GAS2: variants seen among roughly 807,000 people sequenced by gnomAD.
The protein encoded by GAS2 is growth arrest specific 2.
GAS2 carries 20 observed loss-of-function variants against 37.5 expected under a neutral mutation model. That is an observed-to-expected ratio of 0.53 (90% CI 0.37 to 0.77). The LOEUF is 0.77. Ranked by LOEUF, GAS2 falls within the 30% of genes least tolerant of loss-of-function variation. The pLI is 0.00. For missense variants in GAS2, 336 were observed against 373.4 expected (o/e 0.90, Z 0.82); for synonymous variants, 144 against 132.2 (o/e 1.09, Z -0.61).
rs1857240481 is a variant in GAS2, at chr11:22,812,648, C to T, written c.*632C>T. The T allele has an allele frequency of 6.6e-6, 1 of 152,522 alleles. No individual in the cohort carries two copies. The highest frequency in any genetic ancestry group is 1.5e-5 in the Non-Finnish European group (1 of 68,170). The allele number at this position is 152,522 out of a possible 1,614,324, so 9.4% of individuals were successfully genotyped here. A position where few individuals can be genotyped will look rare whatever the true frequency, so the allele number is the denominator to read the frequency against. ...ACTTTTAGAAGTTTTCAGTACACCC[C>T]CTTAGAGAATAGCTTATGAGTTATT... is the stretch of plus-strand genomic sequence containing the variant. On this transcript the variant is annotated 3_prime_UTR_variant, in exon 8 of 8. Transcript: ENST00000454584.
At position 22,626,004 on chromosome 11, in the gene GAS2, A is replaced by G. The variant is rs3740614; in HGVS notation, c.-21+191A>G. Reference sequence around the variant, plus strand: ...GCCCTAATACTTTTACTTTCGCCACACAAAGAGGTTCTTCTTAGTGGAGGG... The same window carrying G: ...GCCCTAATACTTTTACTTTCGCCACGCAAAGAGGTTCTTCTTAGTGGAGGG... On this transcript the variant is annotated intron_variant, in intron 1 of 5. Coordinates refer to the GAS2 transcript ENST00000528582. The G allele has an allele frequency of 0.057, 39,198 of 685,496 alleles. 2,440 individuals carry two copies. Among genetic ancestry groups the G allele is most frequent in the East Asian group, 0.27 (9,835 of 36,228 alleles). 42.5% of individuals were successfully genotyped at this position (685,496 alleles called of 1,614,324 possible).
chr11:22,810,530 CTAAA>C lies in GAS2; in HGVS notation c.724-1266_724-1263del, dbSNP rs1226346843. ...CTTTCTGTTCTAAATTTCTCATACTCTAAATGAGAATAACCAGTAGAAATACATT... is the reference window on the plus strand; with the variant it reads ...CTTTCTGTTCTAAATTTCTCATACTCTGAGAATAACCAGTAGAAATACATT... On this transcript the variant is annotated intron_variant, in intron 7 of 7. Transcript: ENST00000454584. 3.3e-5 allele frequency among the ~76,000 whole-genome samples: 5 copies of C among 152,300 alleles called. No homozygotes were observed. The East Asian group carries it at 9.6e-4, about 29-fold the overall frequency.
chr11:22,751,725 G>T (rs1255363729), intron 6 of GAS2, among the ~76,000 whole-genome samples: 2 of 151,892 alleles, frequency 1.3e-5, no homozygotes, highest in Non-Finnish European at 2.9e-5. Flanking sequence ...TCCCCTATCT[G>T]GCAATCCTTG....
At chr11:22,687,232 C>T (rs138378915) in intron 3 of GAS2, among the ~76,000 whole-genome samples, 354 of 152,140 alleles carry the variant, frequency 2.3e-3, no homozygotes, top group Middle Eastern at 6.8e-3. Flanking sequence ...GAAACTGAGG[C>T]GGCAGGTTCA....
chr11:22,716,527 C>T (rs993859324), intron 3 of GAS2, among the ~76,000 whole-genome samples: 2 of 151,766 alleles, frequency 1.3e-5, no homozygotes, highest in East Asian at 3.9e-4. Context: ...ATAATCGCAC[C>T]TACAAGGGAG....
At chr11:22,781,789 A>G (rs983880626) in intron 7 of GAS2, among the ~76,000 whole-genome samples, 2 of 152,124 alleles carry the variant, frequency 1.3e-5, no homozygotes, top group Admixed American at 1.3e-4. Context: ...TAATGTAACA[A>G]AGCAGTTCCC....
chr11:22,808,159 G>C (rs7111732), intron 7 of GAS2, among the ~76,000 whole-genome samples: 142,466 of 152,186 alleles, frequency 0.94, 67,394 homozygotes, highest in East Asian at 1. Flanking sequence ...GCCTCACAAT[G>C]ACACAAAATC....
chr11:22,653,397 C>T (rs578066911), intron 1 of GAS2, among the ~76,000 whole-genome samples: 2 of 152,182 alleles, frequency 1.3e-5, no homozygotes, highest in Middle Eastern at 3.4e-3. Flanking sequence ...GCACCTAGCG[C>T]AGTGACTAGT....
intron 3 of GAS2, among the ~76,000 whole-genome samples, chr11:22,707,152 G>A (rs1851168176): frequency 6.6e-6 from 1 of 152,192 alleles, no homozygotes; most frequent in Non-Finnish European, 1.5e-5. Flanking sequence ...GGGTAAGGGA[G>A]ATTGGTCTGG....
intron 7 of GAS2, among the ~76,000 whole-genome samples, chr11:22,785,800 T>A (rs1318749659): frequency 6.6e-6 from 1 of 152,048 alleles, no homozygotes; most frequent in Non-Finnish European, 1.5e-5. Flanking sequence ...TATAAGGGAG[T>A]ATAGGACAAA....
chr11:22,726,341 C>T lies in GAS2; in HGVS notation c.317C>T (p.Ser106Phe). The T allele has an allele frequency of 6.2e-7, 1 of 1,612,650 alleles. No individual in the cohort carries two copies. The highest frequency in any genetic ancestry group is 1.1e-5 in the South Asian group (1 of 90,938). Residue 106 changes from serine to phenylalanine, a missense_variant, in exon 4 of 8, where the codon TCC (serine) becomes TTC (phenylalanine). Ser to Phe is a radical substitution (Grantham distance 155). Transcript: ENST00000454584. Reference sequence around the variant, plus strand: ...TGCAAAACCAGTGCACCCTCGGGCTCCTTTTTTGCCAGAGACAATACAGCA... The same window carrying T: ...TGCAAAACCAGTGCACCCTCGGGCTTCTTTTTTGCCAGAGACAATACAGCA... ...IPCKTSAPSG[S>F]FFARDNTANF...
rs369164768 is a variant in GAS2 at position 22,698,117 on chromosome 11, G to A, written c.267+12328G>A. Among the ~76,000 whole-genome samples the A allele has an allele frequency of 1.7e-3, 256 of 151,924 alleles. 3 individuals carry two copies. In the Middle Eastern group the frequency reaches 0.034, roughly 20 times the overall value. On this transcript the variant is annotated intron_variant, in intron 3 of 7. Coordinates refer to ENST00000454584, the MANE Select transcript of GAS2 (RefSeq NM_001143830.3). ...AAAGGATCAGCAAAATTGATAGACC[G>A]CTAGCAAGACTAATAAAGAAGAAAA...
chr11:22,640,509 C>T (rs1858896179), intron 1 of GAS2, among the ~76,000 whole-genome samples: 1 of 152,020 alleles, frequency 6.6e-6, no homozygotes, highest in African/African-American at 2.4e-5. Context: ...ATTTTATCAA[C>T]AACATTTCTC....
chr11:22,800,164 G>A (rs1371937986), intron 7 of GAS2, among the ~76,000 whole-genome samples: 1 of 152,072 alleles, frequency 6.6e-6, no homozygotes, highest in Non-Finnish European at 1.5e-5. Flanking sequence ...TGTGGGAAAA[G>A]AAAATAGTAG....
chr11:22,800,049 G>A (rs1856592701), intron 7 of GAS2, among the ~76,000 whole-genome samples: 1 of 152,084 alleles, frequency 6.6e-6, no homozygotes, highest in Non-Finnish European at 1.5e-5. Context: ...GTAATTTGTT[G>A]AGTGGGCCTG....
At chr11:22,763,976 A>G (rs1290041404) in intron 7 of GAS2, among the ~76,000 whole-genome samples, 1 of 152,136 alleles carries the variant, frequency 6.6e-6, no homozygotes, top group Non-Finnish European at 1.5e-5. Flanking sequence ...AGACACTCTC[A>G]TTTGTTTTGT....
At chr11:22,750,573 A>G (rs1853670832) in intron 6 of GAS2, among the ~76,000 whole-genome samples, 9 of 152,096 alleles carry the variant, frequency 5.9e-5, no homozygotes, top group Admixed American at 5.9e-4. Context: ...AGGATTTTAA[A>G]ATCACATAAC....
intron 1 of GAS2, chr11:22,668,367 T>G (rs1191078949): frequency 1.3e-5 from 2 of 152,268 alleles, no homozygotes; most frequent in African/African-American, 4.8e-5. Context: ...CATGGGACAG[T>G]GTGCCTTTGC....
At chr11:22,755,241 AAAG>A (rs1433877712) in intron 6 of GAS2, among the ~76,000 whole-genome samples, 2 of 152,112 alleles carry the variant, frequency 1.3e-5, no homozygotes, top group African/African-American at 4.8e-5. Flanking sequence ...AAACATGGTC[AAAG>A]AAGTAGGGTT....
Sources: allele counts gnomAD v4.1 joint callset (sites outside exome capture counted in the v4.1 genomes callset), GRCh38; gene constraint gnomAD v4.1.1; transcripts MANE v1.5; gene names NCBI Gene and HGNC (gene_info 2026-07-23, HGNC 2026-07-21).